GREB1L: variants seen among roughly 807,000 people sequenced by gnomAD.
GREB1L encodes the protein GREB1-like protein.
In GREB1L, 17 loss-of-function variants were observed where a neutral mutation model predicts 200.8. The ratio of observed to expected loss-of-function variants is 0.08; its 90% CI spans 0.06 to 0.13. GREB1L has a LOEUF of 0.13. GREB1L is among the 10% of genes least tolerant of loss of function. The pLI, the probability that GREB1L is intolerant of heterozygous loss-of-function variation, is 1.00. For missense variants in GREB1L, 1,657 were observed against 2,367.7 expected (o/e 0.70, Z 6.23); for synonymous variants, 789 against 893.0 (o/e 0.88, Z 2.08).
intron 7 of GREB1L, among the ~76,000 whole-genome samples, chr18:21,409,252 G>A (rs369931223): frequency 1.3e-5 from 2 of 152,164 alleles, no homozygotes; most frequent in Non-Finnish European, 2.9e-5. Flanking sequence ...AAAATATGAT[G>A]TTAAGTGAAA....
At chr18:21,350,641 G>T (rs2039419306) in intron 1 of GREB1L, among the ~76,000 whole-genome samples, 1 of 152,136 alleles carries the variant, frequency 6.6e-6, no homozygotes, top group Non-Finnish European at 1.5e-5. Context: ...ATGTTTCCTA[G>T]ATTTTTCTAG....
chr18:21,306,664 A>G (rs936360288), intron 1 of GREB1L, among the ~76,000 whole-genome samples: 1 of 152,248 alleles, frequency 6.6e-6, no homozygotes, highest in Non-Finnish European at 1.5e-5. Context: ...TTGCAGACTC[A>G]GTGTGGTAAA....
chr18:21,467,809 G>A (rs2035317350), intron 15 of GREB1L, among the ~76,000 whole-genome samples: 1 of 152,090 alleles, frequency 6.6e-6, no homozygotes, highest in Non-Finnish European at 1.5e-5. Context: ...CGGATCACAA[G>A]GTCAGGAGAT....
intron 16 of GREB1L, 32 bp from the exon 17 acceptor site, chr18:21,477,131 GA>G: frequency 7.0e-7 from 1 of 1,426,658 alleles, no homozygotes; most frequent in Non-Finnish European, 9.6e-7. Flanking sequence ...TTGGTTAAAT[GA>G]GGTATTAATA....
At chr18:21,402,810 A>G (rs1431928618) in intron 6 of GREB1L, among the ~76,000 whole-genome samples, 1 of 152,150 alleles carries the variant, frequency 6.6e-6, no homozygotes, top group Non-Finnish European at 1.5e-5. Flanking sequence ...GGCATGAGCC[A>G]CTATGCCTGG....
intron 7 of GREB1L, among the ~76,000 whole-genome samples, chr18:21,418,884 T>TA (rs2031896018): frequency 6.6e-6 from 1 of 152,148 alleles, no homozygotes; most frequent in Non-Finnish European, 1.5e-5. Flanking sequence ...ACTATTTTTT[T>TA]AAAAAAGGAA....
chr18:21,485,827 G>A, intron 18 of GREB1L, 74 bp downstream of exon 18: 1 of 1,446,492 alleles, frequency 6.9e-7, no homozygotes, highest in Non-Finnish European at 9.4e-7. Context: ...AAAGCCTTTT[G>A]TGTCAGTGCT....
At chr18:21,521,948 G>A (rs1036950663) in intron 32 of GREB1L, among the ~76,000 whole-genome samples, 2 of 136,120 alleles carry the variant, frequency 1.5e-5, no homozygotes, top group Middle Eastern at 4.9e-3. Flanking sequence ...AGGTTGCAGT[G>A]AGCCAAGATT....
intron 7 of GREB1L, among the ~76,000 whole-genome samples, chr18:21,406,632 G>T (rs189200966): frequency 1.6e-3 from 247 of 152,230 alleles, no homozygotes; most frequent in Middle Eastern, 0.01. Context: ...TTAACTGATG[G>T]ATTGAGATTC....
rs748474939 is a variant in GREB1L at position 21,440,400 on chromosome 18, A to G, written c.1069+12A>G. 2.6e-6 allele frequency: 4 copies of G among 1,549,630 alleles called. No individual in the cohort carries two copies. In the African/African-American group the frequency reaches 4.1e-5, roughly 16 times the overall value. ...TCTTTCAAGAACGGGTAAGATTTTA[A>G]CAGAAGATGGATTGTAAGTGTGTTT... On this transcript the variant is annotated intron_variant, in intron 9 of 32. Transcript: ENST00000424526.
intron 1 of GREB1L, among the ~76,000 whole-genome samples, chr18:21,261,705 A>G (rs930597212): frequency 2.0e-5 from 3 of 152,086 alleles, no homozygotes; most frequent in African/African-American, 7.2e-5. Flanking sequence ...AAGTAATTAT[A>G]AAAAGGATTA....
At chr18:21,516,869 A>C (rs1598960767) in intron 30 of GREB1L, 115 bp downstream of exon 30, 8 of 915,906 alleles carry the variant, frequency 8.7e-6, no homozygotes, top group Non-Finnish European at 9.5e-6. Context: ...GTGAAATAAC[A>C]CAAGGGAGTT....
At chr18:21,426,973 C>CAAAAAAAAAAAAAAAAA (rs56776768) in intron 7 of GREB1L, among the ~76,000 whole-genome samples, 2 of 83,804 alleles carry the variant, frequency 2.4e-5, no homozygotes, top group South Asian at 3.3e-4. Context: ...AAAAAAAAAA[C>CAAAAAAAAAAAAAAAAA]AAAAAAAAAA....
intron 23 of GREB1L, among the ~76,000 whole-genome samples, chr18:21,504,751 C>T (rs2036942986): frequency 6.6e-6 from 1 of 152,108 alleles, no homozygotes; most frequent in Non-Finnish European, 1.5e-5. Context: ...ATCATTTGAT[C>T]CCAGGTGGTT....
chr18:21,472,968 T>A, intron 15 of GREB1L, 63 bp from the exon 16 acceptor site: 1 of 1,144,832 alleles, frequency 8.7e-7, no homozygotes, highest in Non-Finnish European at 1.2e-6. Context: ...CTCAAGTCTA[T>A]CTCCTGTGTG....
At position 21,306,201 on chromosome 18, in the gene GREB1L, G is replaced by A. The variant is rs8095189; in HGVS notation, c.-119-59826G>A. ...CAGTGCTTGTAACATTGCCTGGTAT[G>A]TACAGTAGGTGTTCAATACATGTTT... is the stretch of plus-strand genomic sequence containing the variant. On this transcript the variant is annotated intron_variant, in intron 1 of 32. Transcript: ENST00000424526. 8.6e-3 allele frequency among the ~76,000 whole-genome samples: 1,312 copies of A among 152,240 alleles called. 20 individuals carry two copies. Among genetic ancestry groups the A allele is most frequent in the African/African-American group, 0.03 (1,241 of 41,534 alleles).
At chr18:21,505,655 T>C in intron 24 of GREB1L, 88 bp downstream of exon 24, 1 of 1,451,882 alleles carries the variant, frequency 6.9e-7, no homozygotes, top group South Asian at 1.3e-5. Flanking sequence ...CTTTCGCTCT[T>C]ATGCGCATCA....
At position 21,333,717 on chromosome 18, in the gene GREB1L, C is replaced by T. The variant is rs958157489; in HGVS notation, c.-119-32310C>T. ...GAATTCTAGTCTGGGTTTGGTGGCT[C>T]ACCCCTGTAATCCCAACACTTTGGG... On this transcript the variant is annotated intron_variant, in intron 1 of 32. Transcript: ENST00000424526. Among the ~76,000 whole-genome samples, 6 of 151,498 alleles carry T rather than the reference C, an allele frequency of 4.0e-5. No individual in the cohort carries two copies. In the East Asian group the frequency reaches 5.8e-4, roughly 15 times the overall value.
chr18:21,270,329 G>C (rs2038058028), intron 1 of GREB1L, among the ~76,000 whole-genome samples: 1 of 152,166 alleles, frequency 6.6e-6, no homozygotes, highest in Non-Finnish European at 1.5e-5. Flanking sequence ...GAGATGTAGA[G>C]GCAGAAAAAC....
Sources: allele counts gnomAD v4.1 joint callset (sites outside exome capture counted in the v4.1 genomes callset), GRCh38; gene constraint gnomAD v4.1.1; transcripts MANE v1.5; gene names NCBI Gene and HGNC (gene_info 2026-07-23, HGNC 2026-07-21).